Variants in CCDC171 observed in about 807,000 individuals in gnomAD.
CCDC171 encodes the protein coiled-coil domain containing 171.
In CCDC171, 177 loss-of-function variants were observed where a neutral mutation model predicts 168.2. The ratio of observed to expected loss-of-function variants is 1.05; its 90% CI spans 0.93 to 1.19. The LOEUF is 1.19. CCDC171 is among the 50% of genes most tolerant of loss of function. The probability of loss-of-function intolerance (pLI) is 0.00; values close to 1 mark genes in which losing one functional copy is unlikely to be tolerated. For synonymous variants in CCDC171, 687 were observed against 540.8 expected (o/e 1.27, Z -3.75); for missense variants, 1,991 against 1,539.0 (o/e 1.29, Z -4.91).
At chr9:16,107,226 TG>T in the CCDC171 span, among the ~76,000 whole-genome samples, 1 of 152,126 alleles carries the variant, frequency 6.6e-6, no homozygotes, top group Non-Finnish European at 1.5e-5. Context: ...CATAGCTCAC[TG>T]CAGCCTTAAA....
At chr9:15,875,550 C>G (rs1817729264) in intron 24 of CCDC171, 1 of 151,830 alleles carries the variant, frequency 6.6e-6, no homozygotes. Context: ...CAATAGCACT[C>G]TATTTTTTAG....
At chr9:16,057,669 C>A (rs1448271862) in intron 1 of CCDC171, among the ~76,000 whole-genome samples, 2 of 152,318 alleles carry the variant, frequency 1.3e-5, no homozygotes, top group Middle Eastern at 3.4e-3. Context: ...GCCCCAAAGC[C>A]CCCTCCCGCT....
rs749660376 is a variant in CCDC171 at position 15,777,592 on chromosome 9, C to A, written c.2672-8C>A. On this transcript the variant is annotated splice_region_variant and splice_polypyrimidine_tract_variant and intron_variant, in intron 18 of 25. Coordinates refer to ENST00000380701, the MANE Select transcript of CCDC171 (RefSeq NM_173550.4). ...CATTTTTGTGCCTTTTTTTCTTTTT[C>A]TTTGAAGATCCAAATTCCAGAATTT... 6.3e-6 allele frequency: 10 copies of A among 1,580,902 alleles called. No homozygotes were observed. Among genetic ancestry groups the A allele is most frequent in the Non-Finnish European group, 6.9e-6 (8 of 1,163,818 alleles).
At chr9:16,032,172 G>A (rs1833374544) in intron 6 of CCDC171, among the ~76,000 whole-genome samples, 1 of 152,226 alleles carries the variant, frequency 6.6e-6, no homozygotes, top group Admixed American at 6.5e-5. Context: ...AGGAAGCCAA[G>A]TGGGTAGGAT....
At chr9:15,673,245 T>A (rs143771013) in intron 9 of CCDC171, among the ~76,000 whole-genome samples, 192 of 152,352 alleles carry the variant, frequency 1.3e-3, no homozygotes, top group African/African-American at 4.0e-3. Context: ...TTTAAGGAGA[T>A]TTTGGGCTGA....
At chr9:16,003,070 C>T (rs138265769) in intron 3 of CCDC171, among the ~76,000 whole-genome samples, 28 of 152,304 alleles carry the variant, frequency 1.8e-4, no homozygotes, top group African/African-American at 6.5e-4. Flanking sequence ...GTTCATACTG[C>T]TTACTCACCA....
At chr9:15,981,953 C>A (rs1831809625) in intron 3 of CCDC171, among the ~76,000 whole-genome samples, 1 of 152,106 alleles carries the variant, frequency 6.6e-6, no homozygotes, top group South Asian at 2.1e-4. Flanking sequence ...AAAAAGCTTT[C>A]AATTCTTTCA....
At chr9:15,665,392 C>G (rs765793631) in intron 8 of CCDC171, among the ~76,000 whole-genome samples, 6 of 152,138 alleles carry the variant, frequency 3.9e-5, no homozygotes, top group Non-Finnish European at 5.9e-5. Context: ...AGTAAGAAAT[C>G]TCAGGAATAA....
intron 3 of CCDC171, among the ~76,000 whole-genome samples, chr9:16,010,975 A>C (rs1218771766): frequency 6.6e-6 from 1 of 152,030 alleles, no homozygotes; most frequent in Non-Finnish European, 1.5e-5. Flanking sequence ...CTTTTTCTTT[A>C]GTAAGATGAC....
chr9:16,003,697 C>T (rs118034207), intron 3 of CCDC171, among the ~76,000 whole-genome samples: 1 of 152,310 alleles, frequency 6.6e-6, no homozygotes, highest in Non-Finnish European at 1.5e-5. Context: ...CTGATCTCAA[C>T]ATAATAGGTG....
intron 6 of CCDC171, among the ~76,000 whole-genome samples, chr9:15,601,782 G>A (rs1354453016): frequency 6.6e-6 from 1 of 152,076 alleles, no homozygotes; most frequent in East Asian, 1.9e-4. Flanking sequence ...AAGGCTACTT[G>A]GAATAAACAA....
chr9:16,014,835 A>T (rs1282974681), intron 3 of CCDC171, among the ~76,000 whole-genome samples: 2 of 152,134 alleles, frequency 1.3e-5, no homozygotes, highest in East Asian at 1.9e-4. Context: ...AGGCTTTGTT[A>T]TTCCATTTAT....
At chr9:15,989,387 TAACA>T (rs1431059513) in intron 3 of CCDC171, among the ~76,000 whole-genome samples, 3 of 152,034 alleles carry the variant, frequency 2.0e-5, no homozygotes, top group East Asian at 1.9e-4. Context: ...GAAGGAAAAC[TAACA>T]AACAGAAAGG....
chr9:15,958,826 G>GTCA (rs1322283213), intron 25 of CCDC171, among the ~76,000 whole-genome samples: 2 of 152,074 alleles, frequency 1.3e-5, no homozygotes, highest in African/African-American at 4.8e-5. Flanking sequence ...TATCCAAGGG[G>GTCA]TCATAACAGA....
chr9:16,005,498 G>A (rs113733662), intron 3 of CCDC171, among the ~76,000 whole-genome samples: 13 of 152,254 alleles, frequency 8.5e-5, no homozygotes, highest in African/African-American at 3.1e-4. Context: ...GTTTTCTTTT[G>A]AGTACAGTTG....
rs543804120 is a variant in CCDC171, at chr9:15,863,846, T to C, written c.3469-10686T>C. Among the ~76,000 whole-genome samples, 39 of 151,802 alleles carry C rather than the reference T, an allele frequency of 2.6e-4. No homozygotes were observed. In the South Asian group the frequency reaches 7.9e-3, roughly 31 times the overall value. Reference sequence around the variant, plus strand: ...TTTGAAAATTATAATCTGACAACTCTGGAAATAAGATTCTCCCCATCTCCA... The same window carrying C: ...TTTGAAAATTATAATCTGACAACTCCGGAAATAAGATTCTCCCCATCTCCA... On this transcript the variant is annotated intron_variant, in intron 23 of 25. Transcript: ENST00000380701.
At chr9:15,634,381 G>T (rs1056564739) in intron 7 of CCDC171, among the ~76,000 whole-genome samples, 1 of 151,968 alleles carries the variant, frequency 6.6e-6, no homozygotes, top group Non-Finnish European at 1.5e-5. Context: ...AGGTTTGATG[G>T]TTAGAAAATG....
chr9:15,641,131 A>C (rs1353960126), intron 7 of CCDC171, among the ~76,000 whole-genome samples: 49 of 152,154 alleles, frequency 3.2e-4, no homozygotes, highest in Admixed American at 3.2e-3. Context: ...GAAAACATCT[A>C]TTAAAGGGAA....
intron 4 of CCDC171, among the ~76,000 whole-genome samples, chr9:15,581,745 T>A (rs2041136504): frequency 6.6e-6 from 1 of 152,114 alleles, no homozygotes; most frequent in South Asian, 2.1e-4. Flanking sequence ...AAGCTGAAAC[T>A]GGAACCCTTC....
Sources: gnomAD v4.1 joint callset for allele counts (sites outside exome capture counted in the v4.1 genomes callset) on GRCh38, gnomAD v4.1.1 for gene constraint, MANE v1.5 for transcripts, NCBI Gene and HGNC (gene_info 2026-07-23, HGNC 2026-07-21) for gene names.